The following PLEKHH2 variants were observed in gnomAD, a reference collection of about 807,000 sequenced individuals.
The protein encoded by PLEKHH2 is pleckstrin homology, MyTH4 and FERM domain containing H2, also known as pleckstrin homology domain-containing family H member 2.
A neutral mutation model predicts 187.9 loss-of-function variants in PLEKHH2; 129 were observed. That is an observed-to-expected ratio of 0.69 (90% confidence interval 0.59 to 0.79). The LOEUF is 0.79. PLEKHH2 is among the 30% of genes least tolerant of loss of function. The pLI is 0.00. For synonymous variants in PLEKHH2, 686 were observed against 605.6 expected (o/e 1.13, Z -1.95); for missense variants, 2,076 against 1,751.2 (o/e 1.19, Z -3.31).
intron 16 of PLEKHH2, 98 bp downstream of exon 16, chr2:43,720,847 G>T: frequency 6.8e-7 from 1 of 1,473,470 alleles, no homozygotes; most frequent in Non-Finnish European, 9.0e-7. Flanking sequence ...TAAAACTTCA[G>T]AATCTTTATG....
At chr2:43,686,290 G>A (rs182841613) in intron 3 of PLEKHH2, among the ~76,000 whole-genome samples, 4 of 152,082 alleles carry the variant, frequency 2.6e-5, no homozygotes, top group South Asian at 2.1e-4. Flanking sequence ...TCTGCCTCCC[G>A]GGTTCAAGCA....
chr2:43,652,686 G>C (rs1228444942), intron 2 of PLEKHH2, among the ~76,000 whole-genome samples: 1 of 152,182 alleles, frequency 6.6e-6, no homozygotes, highest in Non-Finnish European at 1.5e-5. Context: ...ATGTGCCAAA[G>C]TTTCTAGTCA....
At chr2:43,652,373 C>A (rs987721572) in intron 2 of PLEKHH2, among the ~76,000 whole-genome samples, 3 of 152,136 alleles carry the variant, frequency 2.0e-5, no homozygotes, top group Non-Finnish European at 1.5e-5. Flanking sequence ...GGAGCTCAAG[C>A]CTTATTCTCC....
rs907886686 is a variant in PLEKHH2, at chr2:43,666,179, C to A, written c.124-12684C>A. 2.6e-3 allele frequency among the ~76,000 whole-genome samples: 393 copies of A among 149,852 alleles called. 15 individuals are homozygous for A. Among genetic ancestry groups the A allele is most frequent in the African/African-American group, 9.1e-3 (363 of 39,874 alleles). ...AGGTGTGGGATATAGTCTCGTGGTGCGCCGTTTTTTAAGCCGGTCTGAAAA... is the reference window on the plus strand; with the variant it reads ...AGGTGTGGGATATAGTCTCGTGGTGAGCCGTTTTTTAAGCCGGTCTGAAAA... On this transcript the variant is annotated intron_variant, in intron 2 of 29. Coordinates refer to ENST00000282406, the MANE Select transcript of PLEKHH2 (RefSeq NM_172069.4).
intron 20 of PLEKHH2, among the ~76,000 whole-genome samples, chr2:43,739,442 G>A (rs1671456623): frequency 6.6e-6 from 1 of 152,178 alleles, no homozygotes; most frequent in African/African-American, 2.4e-5. Flanking sequence ...GTTAGCCACA[G>A]GATAAATCAG....
chr2:43,682,618 T>G (rs764786297), intron 3 of PLEKHH2, among the ~76,000 whole-genome samples: 19 of 152,184 alleles, frequency 1.2e-4, no homozygotes, highest in Non-Finnish European at 2.2e-4. Flanking sequence ...ATTAACATTT[T>G]TAAATGAACA....
chr2:43,730,593 T>A (rs1018541541), intron 18 of PLEKHH2, among the ~76,000 whole-genome samples: 1 of 152,124 alleles, frequency 6.6e-6, no homozygotes, highest in African/African-American at 2.4e-5. Context: ...GAGATGGGGT[T>A]TCTTCATGTT....
chr2:43,672,444 A>G (rs1025532150), intron 2 of PLEKHH2, among the ~76,000 whole-genome samples: 1 of 151,992 alleles, frequency 6.6e-6, no homozygotes, highest in Admixed American at 6.6e-5. Context: ...TGCTCTTCCT[A>G]ATGACTTTAA....
At position 43,697,212 on chromosome 2, in the gene PLEKHH2, C is replaced by T; in HGVS notation, c.544C>T (p.Leu182Phe). The change falls in exon 7 of 30, where the codon CTT becomes TTT. Residue 182 changes from leucine (L) to phenylalanine (F), a missense_variant. Leu to Phe is a conservative substitution (Grantham distance 22). Transcript: ENST00000282406. Reference sequence around the variant, plus strand: ...GTCATCCACTGTCTCTACACTAAAGCTTTCGGAAGGCCAGCGCCTGAGCAG... The same window carrying T: ...GTCATCCACTGTCTCTACACTAAAGTTTTCGGAAGGCCAGCGCCTGAGCAG... The part of the protein sequence containing the change: ...KKSSTVSTLK[L>F]SEGQRLSSLT... 1 of 1,612,524 alleles carries T rather than the reference C, an allele frequency of 6.2e-7. No homozygotes were observed. The highest frequency in any genetic ancestry group is 1.3e-5 in the African/African-American group (1 of 74,970).
chr2:43,728,195 T>C (rs932739639), intron 17 of PLEKHH2, among the ~76,000 whole-genome samples: 3 of 152,010 alleles, frequency 2.0e-5, no homozygotes, highest in African/African-American at 7.2e-5. Flanking sequence ...TAAGAAAATG[T>C]TGGCCAGGCA....
intron 4 of PLEKHH2, among the ~76,000 whole-genome samples, chr2:43,693,721 C>A: frequency 3.7e-5 from 1 of 27,014 alleles, no homozygotes; most frequent in Non-Finnish European, 7.0e-5. Flanking sequence ...GAGACTCCAT[C>A]TCAAAAAAAA....
At chr2:43,709,491 G>A (rs759769309) in intron 11 of PLEKHH2, among the ~76,000 whole-genome samples, 1 of 152,150 alleles carries the variant, frequency 6.6e-6, no homozygotes, top group Non-Finnish European at 1.5e-5. Context: ...CTGTGTGATT[G>A]TAATCATACC....
intron 21 of PLEKHH2, among the ~76,000 whole-genome samples, chr2:43,742,024 A>G (rs987833162): frequency 1.5e-4 from 22 of 151,680 alleles, no homozygotes; most frequent in Admixed American, 3.9e-4. Flanking sequence ...TTTTTGAGGC[A>G]GGGTCTCACT....
rs1451878751 is a variant in PLEKHH2 at position 43,644,669 on chromosome 2, A to G, written c.-3-2A>G. The G allele has an allele frequency of 6.5e-6, 10 of 1,538,200 alleles. No individual in the cohort carries two copies. Among genetic ancestry groups the G allele is most frequent in the South Asian group, 1.3e-5 (1 of 79,930 alleles). On this transcript the variant is annotated splice_acceptor_variant, in intron 1 of 29. Coordinates refer to ENST00000282406, the MANE Select transcript of PLEKHH2 (RefSeq NM_172069.4). LOFTEE classifies it low-confidence loss of function (5UTR_SPLICE). The stretch of plus-strand genomic sequence containing the variant: ...TTTTGTTTATTTATTTAATTTTTTT[A>G]GAATATGGCAGAGCTTTCTGAGCCA...
intron 19 of PLEKHH2, among the ~76,000 whole-genome samples, chr2:43,734,644 C>T (rs1671203624): frequency 1.3e-5 from 2 of 152,160 alleles, no homozygotes; most frequent in South Asian, 4.1e-4. Context: ...ACTCATACAC[C>T]ATCGGTGGGA....
chr2:43,706,247 T>A (rs1669650025), intron 9 of PLEKHH2, 75 bp from the exon 10 acceptor site: 1 of 992,418 alleles, frequency 1.0e-6, no homozygotes, highest in African/African-American at 1.6e-5. Flanking sequence ...TTATGCTCAT[T>A]TGTATTCATA....
At chr2:43,741,151 A>G in intron 21 of PLEKHH2, 108 bp downstream of exon 21, 1 of 969,766 alleles carries the variant, frequency 1.0e-6, no homozygotes, top group Non-Finnish European at 1.5e-6. Flanking sequence ...GAATGTATGA[A>G]ACAAATATTG....
chr2:43,650,187 G>A (rs1226792874), intron 2 of PLEKHH2, among the ~76,000 whole-genome samples: 1 of 60,830 alleles, frequency 1.6e-5, no homozygotes, highest in Non-Finnish European at 3.0e-5. Context: ...GTTTTGCTTT[G>A]TTGCCCAGGC....
chr2:43,648,560 CGTGTGTGTGTGTGTGT>C (rs71410194), intron 2 of PLEKHH2, among the ~76,000 whole-genome samples: 5 of 137,852 alleles, frequency 3.6e-5, no homozygotes, highest in Non-Finnish European at 6.2e-5. Context: ...TAATTACATT[CGTGTGTGTGTGTGTGT>C]GTGTGTGTGT....
Sources: gnomAD v4.1 joint callset for allele counts (sites outside exome capture counted in the v4.1 genomes callset) on GRCh38, gnomAD v4.1.1 for gene constraint, MANE v1.5 for transcripts, NCBI Gene and HGNC (gene_info 2026-07-23, HGNC 2026-07-21) for gene names.